The following HSD17B6 variants were observed in gnomAD, a reference collection of about 807,000 sequenced individuals.
The protein encoded by HSD17B6 is hydroxysteroid 17-beta dehydrogenase 6, also known as 17-beta-hydroxysteroid dehydrogenase type 6.
A neutral mutation model predicts 26.4 loss-of-function variants in HSD17B6; 16 were observed. That is an observed-to-expected ratio of 0.61 (90% CI 0.41 to 0.92). HSD17B6 has a LOEUF of 0.92. HSD17B6 is among the 40% of genes least tolerant of loss of function. The probability of loss-of-function intolerance (pLI) is 0.00; values close to 1 mark genes in which losing one functional copy is unlikely to be tolerated. For synonymous variants in HSD17B6, 139 were observed against 153.0 expected (o/e 0.91, Z 0.68); for missense variants, 357 against 386.1 (o/e 0.92, Z 0.63).
At chr12:56,767,649 A>C (rs1341465085) in intron 1 of HSD17B6, among the ~76,000 whole-genome samples, 1 of 144,730 alleles carries the variant, frequency 6.9e-6, no homozygotes. Context: ...AATATATTAT[A>C]TATATTATAT....
chr12:56,774,972 G>T (rs977167028), intron 2 of HSD17B6, among the ~76,000 whole-genome samples: 1 of 152,288 alleles, frequency 6.6e-6, no homozygotes, highest in East Asian at 1.9e-4. Flanking sequence ...CTGGTTTAGG[G>T]AATAATGACA....
chr12:56,786,871 C>G (rs1235540504), intron 4 of HSD17B6, among the ~76,000 whole-genome samples: 2 of 151,664 alleles, frequency 1.3e-5, no homozygotes, highest in Non-Finnish European at 2.9e-5. Context: ...AAAAAACAAC[C>G]AAACAAAAAA....
intron 1 of HSD17B6, among the ~76,000 whole-genome samples, chr12:56,772,567 G>A (rs1382904441): frequency 6.6e-6 from 1 of 151,658 alleles, no homozygotes; most frequent in Non-Finnish European, 1.5e-5. Flanking sequence ...TTGGTGGCAC[G>A]TGCCTGTAAT....
At chr12:56,783,554 ACCTC>A (rs1954785630) in intron 3 of HSD17B6, among the ~76,000 whole-genome samples, 1 of 86,344 alleles carries the variant, frequency 1.2e-5, no homozygotes. Context: ...AACCCCCCCC[ACCTC>A]CCTCCCGGAC....
chr12:56,778,916 C>G (rs1045567461), intron 2 of HSD17B6, among the ~76,000 whole-genome samples: 6 of 151,844 alleles, frequency 4.0e-5, no homozygotes, highest in Non-Finnish European at 8.8e-5. Flanking sequence ...ACCTCGGGAT[C>G]CGCTCGTCTT....
chr12:56,785,017 G>T lies in HSD17B6; in HGVS notation c.736+1G>T. On this transcript the variant is annotated splice_donor_variant, in intron 4 of 4. Transcript: ENST00000322165. LOFTEE classifies it high-confidence loss of function. ...TATGGACAGCAGTATTTTGATGCCC[G>T]TAAGCTTTTTTCTTTTGATAGGGAT... 1 of 1,606,716 alleles carries T rather than the reference G, an allele frequency of 6.2e-7. No individual in the cohort carries two copies. The highest frequency in any genetic ancestry group is 8.5e-7 in the Non-Finnish European group (1 of 1,178,170).
At chr12:56,784,197 G>A (rs1954819379) in intron 3 of HSD17B6, among the ~76,000 whole-genome samples, 1 of 151,384 alleles carries the variant, frequency 6.6e-6, no homozygotes, top group Non-Finnish European at 1.5e-5. Flanking sequence ...TCCAGACTGG[G>A]CAGCCAGGCA....
chr12:56,767,773 T>C (rs1160684803), intron 1 of HSD17B6, among the ~76,000 whole-genome samples: 2 of 146,532 alleles, frequency 1.4e-5, no homozygotes, highest in Middle Eastern at 3.6e-3. Context: ...GTATATATTG[T>C]GTATATTATG....
intron 3 of HSD17B6, among the ~76,000 whole-genome samples, chr12:56,783,183 G>A (rs1483564114): frequency 2.6e-5 from 4 of 151,884 alleles, no homozygotes; most frequent in South Asian, 2.1e-4. Flanking sequence ...GGTGGTGGCC[G>A]GGCAGAGGGG....
At chr12:56,778,682 T>C (rs1954644896) in intron 2 of HSD17B6, among the ~76,000 whole-genome samples, 1 of 148,968 alleles carries the variant, frequency 6.7e-6, no homozygotes, top group African/African-American at 2.5e-5. Context: ...TTCTTTTTTT[T>C]TTTTTTTTTT....
At chr12:56,766,013 T>C (rs992490068) in intron 1 of HSD17B6, among the ~76,000 whole-genome samples, 1 of 152,126 alleles carries the variant, frequency 6.6e-6, no homozygotes, top group African/African-American at 2.4e-5. Flanking sequence ...ACTGATGACA[T>C]TCCACCACTG....
chr12:56,785,954 T>C (rs1416908134), intron 4 of HSD17B6: 1 of 985,252 alleles, frequency 1.0e-6, no homozygotes, highest in African/African-American at 1.7e-5. Context: ...AAGAATATTA[T>C]TCTGAAGACC....
chr12:56,784,252 G>A (rs1458634066), intron 3 of HSD17B6, among the ~76,000 whole-genome samples: 2 of 152,022 alleles, frequency 1.3e-5, no homozygotes, highest in African/African-American at 4.8e-5. Context: ...AGGCAGAGAC[G>A]CTCCTCACTT....
chr12:56,764,634 T>C (rs1954283414), intron 1 of HSD17B6, among the ~76,000 whole-genome samples: 1 of 152,202 alleles, frequency 6.6e-6, no homozygotes, highest in Non-Finnish European at 1.5e-5. Flanking sequence ...CTAACAATTA[T>C]GTATTGCTTT....
intron 4 of HSD17B6, among the ~76,000 whole-genome samples, chr12:56,786,574 G>T (rs1954880001): frequency 6.6e-6 from 1 of 152,172 alleles, no homozygotes; most frequent in Non-Finnish European, 1.5e-5. Context: ...TTGAGGCCAG[G>T]CGTGGTGCCT....
chr12:56,775,163 ATGTT>A (rs1288533553), intron 2 of HSD17B6, among the ~76,000 whole-genome samples: 1 of 152,200 alleles, frequency 6.6e-6, no homozygotes, highest in African/African-American at 2.4e-5. Flanking sequence ...TTCCTTAACA[ATGTT>A]TATTTTGTTG....
chr12:56,783,694 C>T (rs1481875515), intron 3 of HSD17B6, among the ~76,000 whole-genome samples: 1 of 141,424 alleles, frequency 7.1e-6, no homozygotes, highest in African/African-American at 2.7e-5. Flanking sequence ...GGGGGGCTGA[C>T]CCCCCTCACC....
chr12:56,783,969 C>T (rs1318957531), intron 3 of HSD17B6, among the ~76,000 whole-genome samples: 3 of 151,282 alleles, frequency 2.0e-5, no homozygotes, highest in African/African-American at 4.9e-5. Context: ...ACGGGGCAGC[C>T]GGGCAGAGAT....
At chr12:56,769,312 G>A (rs891356262) in intron 1 of HSD17B6, among the ~76,000 whole-genome samples, 6 of 152,106 alleles carry the variant, frequency 3.9e-5, no homozygotes, top group Non-Finnish European at 2.9e-5. Flanking sequence ...ATGTTGCCCA[G>A]GCTGGTCTCG....
Sources: allele counts gnomAD v4.1 joint callset (sites outside exome capture counted in the v4.1 genomes callset), GRCh38; gene constraint gnomAD v4.1.1; transcripts MANE v1.5; gene names NCBI Gene and HGNC (gene_info 2026-07-23, HGNC 2026-07-21).